TOP1: variants seen among roughly 807,000 people sequenced by gnomAD.
The protein encoded by TOP1 is DNA topoisomerase 1.
TOP1 carries 10 observed loss-of-function variants against 111.1 expected under a neutral mutation model. The observed-to-expected ratio is 0.09, with a 90% CI of 0.06 to 0.15. TOP1 has a LOEUF of 0.15. Among genes scored for constraint, TOP1 ranks in the 10% least tolerant of loss-of-function variants. TOP1 has a pLI of 1.00. For missense variants in TOP1, 474 were observed against 926.7 expected, an observed-to-expected ratio of 0.51 and a Z score of 6.34; for synonymous variants, 271 against 302.9, an observed-to-expected ratio of 0.89 and a Z score of 1.10.
intron 9 of TOP1, among the ~76,000 whole-genome samples, chr20:41,096,419 T>C (rs2033983605): frequency 6.6e-6 from 1 of 152,172 alleles, no homozygotes; most frequent in Non-Finnish European, 1.5e-5. Flanking sequence ...ACCCCAGTCA[T>C]CCCTTGTGCT....
intron 2 of TOP1, among the ~76,000 whole-genome samples, chr20:41,054,576 T>TG (rs2033446492): frequency 6.6e-6 from 1 of 152,176 alleles, no homozygotes; most frequent in East Asian, 1.9e-4. Context: ...GTAAGAAACT[T>TG]GAGTTGAGAT....
intron 2 of TOP1, among the ~76,000 whole-genome samples, chr20:41,057,998 A>G (rs778692782): frequency 1.3e-4 from 20 of 152,218 alleles, no homozygotes; most frequent in South Asian, 4.1e-4. Flanking sequence ...TTTTAAAATT[A>G]TAGACTCGAG....
chr20:41,101,362 A>G lies in TOP1; in HGVS notation c.1308+9A>G, dbSNP rs760960846. ...CTAGTTCACGAATCAAGGTAAGGGG[A>G]TAGTTGAGAGCTGCACTGGTTCATG... On this transcript the variant is annotated intron_variant, in intron 13 of 20. Coordinates refer to ENST00000361337, the MANE Select transcript of TOP1 (RefSeq NM_003286.4). This position sits in a 1 kb window ranked among gnomAD's most constrained non-coding sequence, Gnocchi z 4.1. 9.3e-6 allele frequency: 15 copies of G among 1,613,516 alleles called. No individual in the cohort carries two copies. The highest frequency in any genetic ancestry group is 3.3e-5 in the Admixed American group (2 of 59,990).
chr20:41,070,219 C>T (rs747685213), intron 3 of TOP1, among the ~76,000 whole-genome samples: 7 of 152,088 alleles, frequency 4.6e-5, no homozygotes, highest in Non-Finnish European at 7.4e-5. Flanking sequence ...TGGCTGTTCA[C>T]GCTATTAATA....
chr20:41,077,527 G>T, intron 4 of TOP1, 55 bp from the exon 5 acceptor site: 1 of 1,419,496 alleles, frequency 7.0e-7, no homozygotes, highest in African/African-American at 1.4e-5. Context: ...TCAAAAAGAG[G>T]TTTCTTCAAA....
intron 2 of TOP1, among the ~76,000 whole-genome samples, chr20:41,050,688 C>G (rs533151669): frequency 1.3e-5 from 2 of 152,250 alleles, no homozygotes; most frequent in East Asian, 3.9e-4. Flanking sequence ...TCAACCATTC[C>G]CCTTTTAATG....
chr20:41,117,021 A>AT (rs1280124045), intron 17 of TOP1, among the ~76,000 whole-genome samples: 1 of 152,102 alleles, frequency 6.6e-6, no homozygotes, highest in African/African-American at 2.4e-5. Context: ...AATAAAAACA[A>AT]TTTTTTTGGA....
Position 41,118,096 on chromosome 20 carries a change from G to A in TOP1, c.1823-73G>A. On this transcript the variant is annotated intron_variant, in intron 17 of 20. Transcript: ENST00000361337. The surrounding 1 kb of genome is among the most constrained non-coding windows in gnomAD (Gnocchi z 4.6). ...GCAAAATCATGGGGACGAGGCACTG[G>A]GGGAAGACATACTGTGTGTTCACTT... is the stretch of plus-strand genomic sequence containing the variant. 2 of 1,524,998 alleles carry A rather than the reference G, an allele frequency of 1.3e-6. No individual in the cohort carries two copies. The highest frequency in any genetic ancestry group is 2.3e-5 in the East Asian group (1 of 43,776). The allele number at this position is 1,524,998 out of a possible 1,614,324, so 94.5% of individuals were successfully genotyped here.
Position 41,092,616 on chromosome 20 carries a change from G to A in TOP1, c.730+29G>A. ...AGTTGTTTCAAGGTTCTTGATTCTT[G>A]GCCAGGAAAAGAAATCTGCTTCTAT... On this transcript the variant is annotated intron_variant, in intron 9 of 20. Transcript: ENST00000361337. This position sits in a 1 kb window ranked among gnomAD's most constrained non-coding sequence, Gnocchi z 4.3. The A allele has an allele frequency of 8.6e-7, 1 of 1,169,250 alleles. No homozygotes were observed. Among genetic ancestry groups the A allele is most frequent in the Non-Finnish European group, 1.2e-6 (1 of 807,198 alleles). 72.4% of individuals were successfully genotyped at this position (1,169,250 alleles called of 1,614,324 possible).
intron 9 of TOP1, among the ~76,000 whole-genome samples, chr20:41,093,626 C>T (rs184102018): frequency 1.3e-5 from 2 of 152,214 alleles, no homozygotes; most frequent in African/African-American, 2.4e-5. Flanking sequence ...TCCCACCGCC[C>T]GCACTGAAAA....
At chr20:41,054,118 T>C (rs1443060672) in intron 2 of TOP1, among the ~76,000 whole-genome samples, 1 of 152,224 alleles carries the variant, frequency 6.6e-6, no homozygotes, top group African/African-American at 2.4e-5. Context: ...TAAAGGATAC[T>C]GATATGGTTT....
At chr20:41,040,467 A>G (rs752384352) in intron 2 of TOP1, among the ~76,000 whole-genome samples, 1 of 152,196 alleles carries the variant, frequency 6.6e-6, no homozygotes, top group Non-Finnish European at 1.5e-5. Flanking sequence ...CTTCCACTTA[A>G]CCAGGAGAGG....
intron 2 of TOP1, among the ~76,000 whole-genome samples, chr20:41,038,261 C>A (rs2033214591): frequency 6.6e-6 from 1 of 152,046 alleles, no homozygotes; most frequent in Non-Finnish European, 1.5e-5. Flanking sequence ...GGTCTTTGAA[C>A]AAGTTAATAT....
intron 2 of TOP1, among the ~76,000 whole-genome samples, chr20:41,040,363 GT>G (rs2033246423): frequency 6.6e-6 from 1 of 152,214 alleles, no homozygotes; most frequent in South Asian, 2.1e-4. Flanking sequence ...TGGATGCAAT[GT>G]AAGTAGTTCT....
chr20:41,029,531 C>A lies in TOP1; in HGVS notation c.58+76C>A. On this transcript the variant is annotated intron_variant, in intron 2 of 20. Coordinates refer to ENST00000361337, the MANE Select transcript of TOP1 (RefSeq NM_003286.4). This position sits in a 1 kb window ranked among gnomAD's most constrained non-coding sequence, Gnocchi z 6.1. The stretch of plus-strand genomic sequence containing the variant: ...TCCCCCGCGCCCTGCCGGTGCCGGG[C>A]AGAGGACAGACATGGCGTCCCAGAG... 2 of 1,202,642 alleles carry A rather than the reference C, an allele frequency of 1.7e-6. No individual in the cohort carries two copies. The highest frequency in any genetic ancestry group is 2.4e-6 in the Non-Finnish European group (2 of 834,466). The allele number at this position is 1,202,642 out of a possible 1,614,324, so 74.5% of individuals were successfully genotyped here. A position where few individuals can be genotyped will look rare whatever the true frequency, so the allele number is the denominator to read the frequency against.
In TOP1 at chr20:41,030,965, T is replaced by G. The variant is rs1689309877; in HGVS notation, c.58+1510T>G. On this transcript the variant is annotated intron_variant, in intron 2 of 20. Transcript: ENST00000361337. The surrounding 1 kb of genome is among the most constrained non-coding windows in gnomAD (Gnocchi z 4.1). ...TAACACTCCCTTGCTCTCAATTCAG[T>G]CTATTGGGGGAGACATAATTAGTTA... is the stretch of plus-strand genomic sequence containing the variant. Among the ~76,000 whole-genome samples, 1 of 152,138 alleles carries G rather than the reference T, an allele frequency of 6.6e-6. No homozygotes were observed. The highest frequency in any genetic ancestry group is 6.5e-5 in the Admixed American group (1 of 15,272).
At chr20:41,084,589 T>C in intron 8 of TOP1, 21 bp downstream of exon 8, 1 of 1,389,236 alleles carries the variant, frequency 7.2e-7, no homozygotes, top group Non-Finnish European at 9.8e-7. Flanking sequence ...AGCACTGGGT[T>C]AAAATGCCAC....
rs978793838 is a variant in TOP1, at chr20:41,029,481, C to T, written c.58+26C>T. The T allele has an allele frequency of 1.8e-5, 28 of 1,553,018 alleles. No homozygotes were observed. The highest frequency in any genetic ancestry group is 5.0e-5 in the East Asian group (2 of 40,386). ...GTGAGTGTGCCCCCTGCGCCGACTCCGGGGCCCCCCAGCCGCCGGCCGCCT... is the reference window on the plus strand; with the variant it reads ...GTGAGTGTGCCCCCTGCGCCGACTCTGGGGCCCCCCAGCCGCCGGCCGCCT... On this transcript the variant is annotated intron_variant, in intron 2 of 20. Coordinates refer to ENST00000361337, the MANE Select transcript of TOP1 (RefSeq NM_003286.4). This position sits in a 1 kb window ranked among gnomAD's most constrained non-coding sequence, Gnocchi z 6.1.
At chr20:41,093,331 C>T (rs375493264) in intron 9 of TOP1, among the ~76,000 whole-genome samples, 4 of 152,324 alleles carry the variant, frequency 2.6e-5, no homozygotes, top group African/African-American at 9.6e-5. Context: ...CATTGTTCCT[C>T]ATACCCTTAT....
Sources: allele counts gnomAD v4.1 joint callset (sites outside exome capture counted in the v4.1 genomes callset), GRCh38; gene constraint gnomAD v4.1.1; non-coding constraint Gnocchi (gnomAD v3.1); transcripts MANE v1.5; gene names NCBI Gene and HGNC (gene_info 2026-07-23, HGNC 2026-07-21).